The following CRISP3 variants were observed in gnomAD, a reference collection of about 807,000 sequenced individuals.
CRISP3 encodes the protein cysteine-rich secretory protein 3.
CRISP3 carries 33 observed loss-of-function variants against 36.1 expected under a neutral mutation model. The observed-to-expected ratio is 0.91, with a 90% CI of 0.69 to 1.22. CRISP3 has a LOEUF of 1.22. Among genes scored for constraint, CRISP3 ranks in the 50% most tolerant of loss-of-function variants. The pLI is 0.00. For missense variants in CRISP3, 330 were observed against 301.2 expected (o/e 1.10, Z -0.71); for synonymous variants, 117 against 104.6 (o/e 1.12, Z -0.72).
chr6:49,743,935 A>C (rs1769269541), intron 1 of CRISP3, among the ~76,000 whole-genome samples: 1 of 152,156 alleles, frequency 6.6e-6, no homozygotes, highest in Non-Finnish European at 1.5e-5. Flanking sequence ...ATATAGCTGT[A>C]TGTTTTAATA....
intron 4 of CRISP3, 24 bp downstream of exon 4, chr6:49,735,480 A>G: frequency 6.5e-7 from 1 of 1,539,244 alleles, no homozygotes; most frequent in Non-Finnish European, 8.9e-7. Flanking sequence ...GATTTATTCA[A>G]CAAATATTTC....
At chr6:49,738,331 G>A (rs78843460) in intron 1 of CRISP3, among the ~76,000 whole-genome samples, 1 of 152,142 alleles carries the variant, frequency 6.6e-6, no homozygotes, top group African/African-American at 2.4e-5. Context: ...CTAAGTAAAT[G>A]AGAATACATC....
intron 1 of CRISP3, among the ~76,000 whole-genome samples, chr6:49,741,720 TAGGTGC>T (rs1769207838): frequency 6.7e-6 from 1 of 148,210 alleles, no homozygotes; most frequent in Non-Finnish European, 1.5e-5. Context: ...GGAGAAATTC[TAGGTGC>T]ATTTCATTTA....
chr6:49,730,338 T>C (rs1768885013), intron 7 of CRISP3, among the ~76,000 whole-genome samples: 1 of 152,122 alleles, frequency 6.6e-6, no homozygotes, highest in East Asian at 1.9e-4. Flanking sequence ...TAAAAATGTA[T>C]ACAAAATTAT....
In CRISP3 at chr6:49,736,371, T is replaced by G; in HGVS notation, c.228+20A>C. Reference sequence around the variant, plus strand: ...CCACAGCTTGTTCACACCCCTCTCCTTTGCAATATCACCTCTTACCATCTT... The same window carrying G: ...CCACAGCTTGTTCACACCCCTCTCCGTTGCAATATCACCTCTTACCATCTT... On this transcript the variant is annotated intron_variant, in intron 3 of 7. Transcript: ENST00000263045. 6.5e-7 allele frequency: 1 copy of G among 1,527,348 alleles called. No individual in the cohort carries two copies. Among genetic ancestry groups the G allele is most frequent in the Non-Finnish European group, 9.1e-7 (1 of 1,102,764 alleles). 94.6% of individuals were successfully genotyped at this position (1,527,348 alleles called of 1,614,324 possible). A position where few individuals can be genotyped will look rare whatever the true frequency, so the allele number is the denominator to read the frequency against.
chr6:49,738,815 C>A (rs755537854), intron 1 of CRISP3, among the ~76,000 whole-genome samples: 4 of 152,052 alleles, frequency 2.6e-5, no homozygotes, highest in Non-Finnish European at 4.4e-5. Context: ...ATGTCACAAA[C>A]CATCTCGTCC....
chr6:49,730,238 G>A (rs1561906224), intron 7 of CRISP3, among the ~76,000 whole-genome samples: 1 of 151,952 alleles, frequency 6.6e-6, no homozygotes, highest in Non-Finnish European at 1.5e-5. Context: ...AAATGAAATT[G>A]TATGAGATAT....
Position 49,733,803 on chromosome 6 carries a change from G to A in CRISP3, c.362C>T (p.Ser121Leu). ...CCAGCTTTGGATTGCTTGTGACCAT[G>A]AGCTGGAGGCACTTGACATGTAGAG... The part of the protein sequence containing the change: ...ENLYMSSASS[S>L]WSQAIQSWFD... The change falls in exon 5 of 8, where the codon TCA (serine) becomes TTA (leucine). Residue 121 changes from serine (S) to leucine (L), a missense_variant. Coordinates refer to ENST00000263045, the MANE Select transcript of CRISP3 (RefSeq NM_006061.4). 1.9e-6 allele frequency: 3 copies of A among 1,613,872 alleles called. No individual in the cohort carries two copies. Among genetic ancestry groups the A allele is most frequent in the Non-Finnish European group, 1.7e-6 (2 of 1,179,792 alleles).
chr6:49,736,505 A>G lies in CRISP3; in HGVS notation c.114T>C (p.Asp38=). The G allele has an allele frequency of 1.9e-6, 3 of 1,598,388 alleles. No homozygotes were observed. Among genetic ancestry groups the G allele is most frequent in the East Asian group, 4.5e-5 (2 of 44,778 alleles). ...LPSFPANEDK[D]PAFTALLTTQ... Reference sequence around the variant, plus strand: ...TGGTTAACAAAGCAGTAAAAGCGGGATCCTAAGGGAAAATAAAATTACAAT... The same window carrying G: ...TGGTTAACAAAGCAGTAAAAGCGGGGTCCTAAGGGAAAATAAAATTACAAT... The change falls in exon 3 of 8, where the codon GAT becomes GAC. Residue 38 remains aspartate (D), a splice_region_variant and synonymous_variant. Transcript: ENST00000263045.
intron 1 of CRISP3, among the ~76,000 whole-genome samples, chr6:49,742,937 G>C (rs933523596): frequency 6.6e-6 from 1 of 152,082 alleles, no homozygotes; most frequent in Non-Finnish European, 1.5e-5. Flanking sequence ...GTGCACTATA[G>C]GTATAGACAC....
At chr6:49,742,384 C>A (rs546770346) in intron 1 of CRISP3, among the ~76,000 whole-genome samples, 1 of 152,074 alleles carries the variant, frequency 6.6e-6, no homozygotes, top group African/African-American at 2.4e-5. Context: ...GTAATCCTAG[C>A]ACTTTGGGAG....
At position 49,733,188 on chromosome 6, in the gene CRISP3, T is replaced by C. The variant is rs373373634; in HGVS notation, c.560+7A>G. 3.5e-5 allele frequency: 53 copies of C among 1,512,084 alleles called. No homozygotes were observed. Among genetic ancestry groups the C allele is most frequent in the Non-Finnish European group, 4.5e-5 (49 of 1,100,650 alleles). 93.7% of individuals were successfully genotyped at this position (1,512,084 alleles called of 1,614,324 possible). On this transcript the variant is annotated splice_region_variant and intron_variant, in intron 6 of 7. Transcript: ENST00000263045. ...TATTGACAATAAACGCTAAAATATA[T>C]ACTTACGCAGGACAATATTGGCAAA... is the stretch of plus-strand genomic sequence containing the variant.
At chr6:49,741,863 T>G (rs1220641920) in intron 1 of CRISP3, among the ~76,000 whole-genome samples, 1 of 147,352 alleles carries the variant, frequency 6.8e-6, no homozygotes, top group Non-Finnish European at 1.5e-5. Context: ...AGTAATGTAA[T>G]GTATACATTT....
intron 6 of CRISP3, 96 bp downstream of exon 6, chr6:49,733,099 C>T: frequency 1.5e-6 from 1 of 654,576 alleles, no homozygotes; most frequent in South Asian, 3.2e-5. Flanking sequence ...GATTAATCTC[C>T]TTCACCTTTA....
At chr6:49,741,005 G>T (rs541124641) in intron 1 of CRISP3, among the ~76,000 whole-genome samples, 1 of 151,960 alleles carries the variant, frequency 6.6e-6, no homozygotes, top group South Asian at 2.1e-4. Flanking sequence ...GGAGGCTGAG[G>T]CAGGAGAATG....
intron 1 of CRISP3, 68 bp from the exon 2 acceptor site, chr6:49,737,466 T>A (rs1247503806): frequency 6.5e-7 from 1 of 1,544,498 alleles, no homozygotes; most frequent in Non-Finnish European, 8.9e-7. Flanking sequence ...TTGAGTAACA[T>A]GGGGGTGGGA....
At chr6:49,731,751 C>A (rs112342244) in intron 6 of CRISP3, among the ~76,000 whole-genome samples, 3 of 151,808 alleles carry the variant, frequency 2.0e-5, no homozygotes, top group African/African-American at 7.3e-5. Flanking sequence ...ACAGTTTCAG[C>A]GTAAATTTTG....
In CRISP3 at chr6:49,728,846, T is replaced by C. The variant is rs1561905668; in HGVS notation, c.661A>G (p.Lys221Glu). ...CDDGLCTNGC[K>E]YEDLYSNCKS... Reference sequence around the variant, plus strand: ...CAGTTACTATAGAGATCTTCGTACTTGCAACCATTGGCTGGAATAAAAACA... The same window carrying C: ...CAGTTACTATAGAGATCTTCGTACTCGCAACCATTGGCTGGAATAAAAACA... The change falls in exon 8 of 8, where the codon AAG becomes GAG. Residue 221 changes from lysine to glutamate, a missense_variant. Coordinates refer to ENST00000263045, the MANE Select transcript of CRISP3 (RefSeq NM_006061.4). 1.2e-6 allele frequency: 2 copies of C among 1,607,842 alleles called. No homozygotes were observed. The highest frequency in any genetic ancestry group is 1.7e-6 in the Non-Finnish European group (2 of 1,177,236).
chr6:49,736,327 T>A (rs1002194294), intron 3 of CRISP3, 64 bp downstream of exon 3: 8 of 1,034,484 alleles, frequency 7.7e-6, no homozygotes, highest in South Asian at 1.4e-5. Flanking sequence ...AGATATTAGT[T>A]GCCAGCCGCC....
Sources: allele counts gnomAD v4.1 joint callset (sites outside exome capture counted in the v4.1 genomes callset), GRCh38; gene constraint gnomAD v4.1.1; transcripts MANE v1.5; gene names NCBI Gene and HGNC (gene_info 2026-07-23, HGNC 2026-07-21).